LPA: variants seen among roughly 807,000 people sequenced by gnomAD.
LPA encodes apolipoprotein(a).
A neutral mutation model predicts 197.9 loss-of-function variants in LPA; 199 were observed. That is an observed-to-expected ratio of 1.01 (90% CI 0.90 to 1.13). The LOEUF (loss-of-function observed/expected upper bound fraction) is 1.13, where lower values mean the gene tolerates loss of function less well. LPA is among the 50% of genes most tolerant of loss of function. LPA has a pLI of 0.00. For missense variants in LPA, 1,853 were observed against 1,785.8 expected (o/e 1.04, Z -0.68); for synonymous variants, 715 against 639.5 (o/e 1.12, Z -1.78).
chr6:160,576,852 G>T (rs1778693820), intron 28 of LPA, among the ~76,000 whole-genome samples: 1 of 151,558 alleles, frequency 6.6e-6, no homozygotes. Flanking sequence ...ATTGTGGAAT[G>T]GTGCTGTGTT....
chr6:160,595,182 C>T (rs185340052), intron 21 of LPA, among the ~76,000 whole-genome samples, 172 bp downstream of exon 21: 1 of 152,282 alleles, frequency 6.6e-6, no homozygotes, highest in Non-Finnish European at 1.5e-5. Context: ...CCAAACATCA[C>T]AGCTCTGGTT....
chr6:160,659,615 C>T (rs1780188949), intron 1 of LPA, among the ~76,000 whole-genome samples: 1 of 152,158 alleles, frequency 6.6e-6, no homozygotes, highest in Non-Finnish European at 1.5e-5. Context: ...AGGGCATTAA[C>T]GGTGGTACTG....
chr6:160,563,051 C>T (rs745498265), intron 28 of LPA, among the ~76,000 whole-genome samples: 3 of 151,704 alleles, frequency 2.0e-5, no homozygotes, highest in South Asian at 2.1e-4. Context: ...AAAGGGTTTT[C>T]GTGTCTTTAT....
At chr6:160,541,589 C>G (rs538110197) in intron 34 of LPA, among the ~76,000 whole-genome samples, 2 of 152,184 alleles carry the variant, frequency 1.3e-5, no homozygotes, top group Admixed American at 6.5e-5. Context: ...GAGCCAGATA[C>G]GATCCTGAGC....
chr6:160,650,852 G>A (rs1779992842), intron 1 of LPA, among the ~76,000 whole-genome samples: 1 of 152,186 alleles, frequency 6.6e-6, no homozygotes, highest in South Asian at 2.1e-4. Context: ...ACTGCAAGCT[G>A]TAGGTGGTGA....
At chr6:160,610,885 A>G (rs902000040) in intron 16 of LPA, among the ~76,000 whole-genome samples, 9 of 152,082 alleles carry the variant, frequency 5.9e-5, no homozygotes, top group African/African-American at 2.2e-4. Context: ...ACATGTAGAA[A>G]CCATTTTTCC....
In LPA at chr6:160,578,591, G is replaced by A. The variant is rs373234964; in HGVS notation, c.4403C>T (p.Thr1468Ile). 1.7e-5 allele frequency: 28 copies of A among 1,613,936 alleles called. No individual in the cohort carries two copies. The highest frequency in any genetic ancestry group is 1.9e-5 in the Non-Finnish European group (23 of 1,179,938). ...EYCNLTRCPV[T>I]ESSVLTTPTV... ...GGGAGTTGTGAGGACACTCGATTCTGTCACTGGACATCGTGTCAGGTTGCA... is the reference window on the plus strand; with the variant it reads ...GGGAGTTGTGAGGACACTCGATTCTATCACTGGACATCGTGTCAGGTTGCA... Residue 1468 changes from threonine (T) to isoleucine (I), a missense_variant, in exon 27 of 39, where the codon ACA becomes ATA. Coordinates refer to ENST00000316300, the MANE Select transcript of LPA (RefSeq NM_005577.4).
intron 16 of LPA, among the ~76,000 whole-genome samples, chr6:160,610,230 T>C (rs1352219692): frequency 2.0e-5 from 3 of 152,136 alleles, no homozygotes; most frequent in Non-Finnish European, 4.4e-5. Context: ...GCTGAGGCAA[T>C]TGACTTTGTT....
At chr6:160,587,766 T>TGTGTGC (rs1224632512) in intron 24 of LPA, among the ~76,000 whole-genome samples, 1 of 117,396 alleles carries the variant, frequency 8.5e-6, no homozygotes, top group Non-Finnish European at 1.7e-5. Flanking sequence ...TGTGTGTGTG[T>TGTGTGC]GTGTGTGTGT....
intron 22 of LPA, among the ~76,000 whole-genome samples, chr6:160,592,030 T>C (rs1208804287): frequency 6.6e-6 from 1 of 152,210 alleles, no homozygotes; most frequent in African/African-American, 2.4e-5. Context: ...ACCTGAGTCA[T>C]TGAGCTTCAT....
At chr6:160,560,126 G>A (rs769234981) in intron 28 of LPA, among the ~76,000 whole-genome samples, 2 of 152,232 alleles carry the variant, frequency 1.3e-5, no homozygotes, top group South Asian at 4.1e-4. Context: ...AACTCATCCT[G>A]TTTTATGGCT....
In LPA at chr6:160,609,603, G is replaced by A. The variant is rs185277307; in HGVS notation, c.2603+1959C>T. Among the ~76,000 whole-genome samples the A allele has an allele frequency of 2.0e-5, 3 of 152,048 alleles. No homozygotes were observed. The East Asian group carries it at 5.8e-4, about 29-fold the overall frequency. On this transcript the variant is annotated intron_variant, in intron 16 of 38. Transcript: ENST00000316300. ...TTCTAACGTTCTTCATAATTGAAAAGTTATCAGCCATCCGTGATTCCGGTA... is the reference window on the plus strand; with the variant it reads ...TTCTAACGTTCTTCATAATTGAAAAATTATCAGCCATCCGTGATTCCGGTA...
intron 28 of LPA, among the ~76,000 whole-genome samples, chr6:160,568,236 T>C (rs1014698936): frequency 1.3e-5 from 2 of 152,196 alleles, no homozygotes; most frequent in Non-Finnish European, 2.9e-5. Context: ...GCAAAAATCC[T>C]CAATAAAATA....
At chr6:160,657,894 A>G (rs1431551984) in intron 1 of LPA, among the ~76,000 whole-genome samples, 1 of 152,176 alleles carries the variant, frequency 6.6e-6, no homozygotes, top group Non-Finnish European at 1.5e-5. Flanking sequence ...GTTCTTTTAG[A>G]GTATAATGCA....
chr6:160,538,579 C>A (rs1777928170), intron 36 of LPA, among the ~76,000 whole-genome samples: 1 of 152,198 alleles, frequency 6.6e-6, no homozygotes, highest in South Asian at 2.1e-4. Flanking sequence ...GATTAGAACT[C>A]TGGTTTTTAG....
At chr6:160,653,983 T>A (rs1211030278) in intron 1 of LPA, among the ~76,000 whole-genome samples, 2 of 14,902 alleles carry the variant, frequency 1.3e-4, no homozygotes, top group South Asian at 1.7e-3. Flanking sequence ...TAATATATAA[T>A]ATATAATATA....
intron 24 of LPA, among the ~76,000 whole-genome samples, chr6:160,587,920 T>C (rs1461399019): frequency 6.6e-6 from 1 of 152,116 alleles, no homozygotes; most frequent in Non-Finnish European, 1.5e-5. Flanking sequence ...AGTGAGTTCT[T>C]CATTAGAGAT....
chr6:160,598,312 A>T (rs985302737), intron 20 of LPA, among the ~76,000 whole-genome samples: 2 of 152,178 alleles, frequency 1.3e-5, no homozygotes, highest in Non-Finnish European at 2.9e-5. Context: ...CCTATCCTCC[A>T]CAAGTCCATT....
intron 16 of LPA, among the ~76,000 whole-genome samples, chr6:160,608,013 C>T (rs548142716): frequency 4.8e-4 from 73 of 152,112 alleles, no homozygotes; most frequent in Non-Finnish European, 8.5e-4. Context: ...ACATGATTTA[C>T]GCTACTTGTT....
Sources: allele counts gnomAD v4.1 joint callset (sites outside exome capture counted in the v4.1 genomes callset), GRCh38; gene constraint gnomAD v4.1.1; transcripts MANE v1.5; gene names NCBI Gene and HGNC (gene_info 2026-07-23, HGNC 2026-07-21).